Variants in RGS3 observed in about 807,000 individuals in gnomAD.
RGS3 encodes regulator of G protein signaling 3, also known as regulator of G-protein signalling 3.
A neutral mutation model predicts 132.6 loss-of-function variants in RGS3; 80 were observed. The ratio of observed to expected loss-of-function variants is 0.60; its 90% CI spans 0.50 to 0.73. RGS3 has a LOEUF of 0.73. Among genes scored for constraint, RGS3 ranks in the 30% least tolerant of loss-of-function variants. The probability of loss-of-function intolerance (pLI) is 0.00; values close to 1 mark genes in which losing one functional copy is unlikely to be tolerated. For missense variants in RGS3, 1,382 were observed against 1,530.8 expected (o/e 0.90, Z 1.62); for synonymous variants, 598 against 620.6 (o/e 0.96, Z 0.54).
chr9:113,485,601 C>G, intron 6 of RGS3, 24 bp from the exon 5 acceptor site: 1 of 1,578,006 alleles, frequency 6.3e-7, no homozygotes, highest in Non-Finnish European at 8.6e-7. Context: ...TACTAACACT[C>G]CGATGGTCTG....
In RGS3 at chr9:113,463,580, C is replaced by G; in HGVS notation, c.415+1379C>G. The G allele has an allele frequency of 1.2e-4, 76 of 650,810 alleles. No homozygotes were observed. The highest frequency in any genetic ancestry group is 1.3e-4 in the Non-Finnish European group (61 of 466,458). The allele number at this position is 650,810 out of a possible 1,614,324, so 40.3% of individuals were successfully genotyped here. A position where few individuals can be genotyped will look rare whatever the true frequency, so the allele number is the denominator to read the frequency against. On this transcript the variant is annotated intron_variant, in intron 3 of 24. Coordinates refer to ENST00000350696, the Ensembl canonical transcript of RGS3. The surrounding 1 kb of genome is among the most constrained non-coding windows in gnomAD (Gnocchi z 4.6). ...GTCGCTGCTCAGCGCGGGTCGGCGG[C>G]GCCGCCTCCCCCACCCCGGCCCAGC...
chr9:113,485,384 C>T (rs975033843), intron 6 of RGS3, among the ~76,000 whole-genome samples: 6 of 152,170 alleles, frequency 3.9e-5, no homozygotes, highest in Admixed American at 6.5e-5. Context: ...CCACTGTGCC[C>T]GGCCCGAAAA....
At chr9:113,517,725 G>C (rs1831749808) in intron 16 of RGS3, 101 bp downstream of exon 14, 1 of 877,004 alleles carries the variant, frequency 1.1e-6, no homozygotes, top group African/African-American at 1.7e-5. Context: ...TCTTAGAATT[G>C]TACATTCTCA....
At chr9:113,568,979 C>G (rs1015126823) in intron 19 of RGS3, among the ~76,000 whole-genome samples, 18 of 152,232 alleles carry the variant, frequency 1.2e-4, no homozygotes, top group Non-Finnish European at 2.4e-4. Context: ...CCAGGACATG[C>G]TCTTCCTTCT....
chr9:113,466,417 C>T (rs1203332405), intron 3 of RGS3, among the ~76,000 whole-genome samples: 2 of 152,194 alleles, frequency 1.3e-5, no homozygotes, highest in African/African-American at 4.8e-5. Flanking sequence ...GATGAGAATT[C>T]CCTTCGGGGA....
At chr9:113,556,525 T>C (rs1833572957) in intron 19 of RGS3, among the ~76,000 whole-genome samples, 1 of 152,122 alleles carries the variant, frequency 6.6e-6, no homozygotes, top group Non-Finnish European at 1.5e-5. Context: ...AAAAGAGAGA[T>C]TGAGCAGATT....
At chr9:113,448,685 C>T (rs954335040) in intron 1 of RGS3, among the ~76,000 whole-genome samples, 2 of 152,116 alleles carry the variant, frequency 1.3e-5, no homozygotes, top group East Asian at 3.9e-4. Context: ...TATAAATATC[C>T]GGCACCTCAC....
chr9:113,575,798 G>C (rs1834493184), intron 19 of RGS3, among the ~76,000 whole-genome samples: 1 of 152,154 alleles, frequency 6.6e-6, no homozygotes, highest in Non-Finnish European at 1.5e-5. Flanking sequence ...GTCTTAGATT[G>C]GGTCCAGACA....
intron 17 of RGS3, among the ~76,000 whole-genome samples, chr9:113,526,270 G>A (rs566499508): frequency 6.6e-5 from 10 of 152,352 alleles, no homozygotes; most frequent in African/African-American, 2.4e-4. Flanking sequence ...GGTCTCAGCT[G>A]CTGGAATGTT....
intron 3 of RGS3, among the ~76,000 whole-genome samples, chr9:113,466,728 T>C (rs1382453090): frequency 6.6e-6 from 1 of 152,274 alleles, no homozygotes; most frequent in Admixed American, 6.5e-5. Flanking sequence ...AACAGCTTTA[T>C]TGAAATATAA....
At chr9:113,452,105 C>A (rs969637361) in intron 1 of RGS3, among the ~76,000 whole-genome samples, 1 of 152,004 alleles carries the variant, frequency 6.6e-6, no homozygotes, top group Admixed American at 6.6e-5. Context: ...CTCAAGCAAT[C>A]CTCCCACCTC....
At chr9:113,447,485 TA>T (rs1829139934) in intron 1 of RGS3, among the ~76,000 whole-genome samples, 1 of 150,672 alleles carries the variant, frequency 6.6e-6, no homozygotes, top group South Asian at 2.1e-4. Context: ...TATATATGTA[TA>T]AAATTTTTTG....
At chr9:113,567,393 A>G (rs1185004332) in intron 19 of RGS3, among the ~76,000 whole-genome samples, 1 of 152,176 alleles carries the variant, frequency 6.6e-6, no homozygotes, top group African/African-American at 2.4e-5. Context: ...AGTCGCAAGG[A>G]CCTGGCCAGG....
chr9:113,521,271 C>T (rs1278068376), intron 16 of RGS3, among the ~76,000 whole-genome samples: 2 of 152,110 alleles, frequency 1.3e-5, no homozygotes, highest in East Asian at 3.8e-4. Context: ...GTCTCTGCAG[C>T]CCAGATTTCC....
intron 20 of RGS3, among the ~76,000 whole-genome samples, chr9:113,585,132 G>A (rs968113507): frequency 6.6e-6 from 1 of 152,240 alleles, no homozygotes; most frequent in African/African-American, 2.4e-5. Flanking sequence ...CCACAGAAGT[G>A]TGTGAGGCTG....
intron 19 of RGS3, among the ~76,000 whole-genome samples, chr9:113,548,553 G>T (rs954697912): frequency 6.6e-6 from 1 of 152,190 alleles, no homozygotes; most frequent in African/African-American, 2.4e-5. Flanking sequence ...AGAGGAGGGG[G>T]CTCCTTCGGG....
At chr9:113,593,647 G>A in intron 21 of RGS3, 2 of 456,910 alleles carry the variant, frequency 4.4e-6, no homozygotes, top group Non-Finnish European at 7.8e-6. Context: ...CGGCTGGCAG[G>A]AGCCATTCTC....
intron 15 of RGS3, among the ~76,000 whole-genome samples, chr9:113,515,160 A>G (rs905722196): frequency 3.5e-4 from 53 of 152,208 alleles, no homozygotes; most frequent in African/African-American, 1.3e-3. Flanking sequence ...GCTTGAAGAA[A>G]GATAATGAAA....
chr9:113,470,069 C>CCTGG (rs972104724), intron 3 of RGS3, among the ~76,000 whole-genome samples: 2 of 152,030 alleles, frequency 1.3e-5, no homozygotes, highest in Non-Finnish European at 2.9e-5. Context: ...CACTACCATG[C>CCTGG]CTGGCTAATT....
Sources: allele counts gnomAD v4.1 joint callset (sites outside exome capture counted in the v4.1 genomes callset), GRCh38; gene constraint gnomAD v4.1.1; non-coding constraint Gnocchi (gnomAD v3.1); transcripts MANE v1.5; gene names NCBI Gene and HGNC (gene_info 2026-07-23, HGNC 2026-07-21).